Variants in HAVCR1 observed in about 807,000 individuals in gnomAD.
HAVCR1 encodes the protein T cell immunoglobin domain and mucin domain protein 1.
Under a neutral mutation model 32.0 loss-of-function variants are expected in HAVCR1, and 34 were observed. The observed-to-expected ratio is 1.06, with a 90% CI of 0.81 to 1.42. The LOEUF is 1.42. HAVCR1 is among the 40% of genes most tolerant of loss of function. The pLI, the probability that HAVCR1 is intolerant of heterozygous loss-of-function variation, is 0.00. For missense variants in HAVCR1, 420 were observed against 442.3 expected (o/e 0.95, Z 0.45); for synonymous variants, 178 against 170.3 (o/e 1.05, Z -0.35).
chr5:157,055,694 G>A (rs898734236), intron 2 of HAVCR1, among the ~76,000 whole-genome samples, 161 bp from the exon 3 acceptor site: 3 of 151,794 alleles, frequency 2.0e-5, no homozygotes, highest in Non-Finnish European at 2.9e-5. Flanking sequence ...GGCAAAACCC[G>A]ATCTCTACTA....
chr5:157,044,562 A>G (rs74209831), intron 5 of HAVCR1, among the ~76,000 whole-genome samples: 5,376 of 141,150 alleles, frequency 0.038, 513 homozygotes, highest in African/African-American at 0.12. Context: ...AAGGAAGGAG[A>G]GAGAAAGAAA....
At chr5:157,030,929 A>G (rs572486778) in intron 8 of HAVCR1, among the ~76,000 whole-genome samples, 54 of 152,214 alleles carry the variant, frequency 3.5e-4, no homozygotes, top group Admixed American at 5.9e-4. Flanking sequence ...TTAAGTGTCA[A>G]TGAGCTCAAA....
At chr5:157,037,122 T>C (rs1045701664) in intron 7 of HAVCR1, 125 bp downstream of exon 7, 9 of 699,808 alleles carry the variant, frequency 1.3e-5, no homozygotes, top group Non-Finnish European at 2.1e-5. Context: ...CTTTTACAAA[T>C]GAGGATTTGG....
At chr5:157,054,300 G>T (rs1210871826) in intron 3 of HAVCR1, among the ~76,000 whole-genome samples, 2 of 151,038 alleles carry the variant, frequency 1.3e-5, no homozygotes, top group African/African-American at 4.9e-5. Context: ...AGGAGTTCAA[G>T]ACCAGCCTGG....
At chr5:157,050,375 A>G (rs942620718) in intron 4 of HAVCR1, among the ~76,000 whole-genome samples, 1 of 152,126 alleles carries the variant, frequency 6.6e-6, no homozygotes, top group Non-Finnish European at 1.5e-5. Flanking sequence ...ACAACCATAC[A>G]TACAATTGTT....
At chr5:157,044,597 A>AATAAAGAAAGAAAG in intron 5 of HAVCR1, among the ~76,000 whole-genome samples, 1 of 83,424 alleles carries the variant, frequency 1.2e-5, no homozygotes, top group Non-Finnish European at 2.2e-5. Flanking sequence ...GAAAGAAAGA[A>AATAAAGAAAGAAAG]AGAAAGAAAG....
chr5:157,066,893 C>A, the HAVCR1 span, among the ~76,000 whole-genome samples: 3 of 152,214 alleles, frequency 2.0e-5, no homozygotes, highest in African/African-American at 4.8e-5. Flanking sequence ...TCGAGACCAG[C>A]CTGACCAACA....
chr5:157,044,671 A>AGG (rs1755252561), intron 5 of HAVCR1, among the ~76,000 whole-genome samples: 4 of 145,670 alleles, frequency 2.7e-5, no homozygotes, highest in African/African-American at 9.9e-5. Context: ...GAAAGAAAGA[A>AGG]AGAAAGGAGG....
chr5:157,040,070 G>A (rs1471786232), intron 6 of HAVCR1, among the ~76,000 whole-genome samples: 3 of 152,266 alleles, frequency 2.0e-5, no homozygotes, highest in South Asian at 2.1e-4. Context: ...AGGCCAAGGC[G>A]GGTGGATCAC....
At chr5:157,054,544 G>A (rs1755999766) in intron 3 of HAVCR1, among the ~76,000 whole-genome samples, 1 of 152,040 alleles carries the variant, frequency 6.6e-6, no homozygotes, top group African/African-American at 2.4e-5. Context: ...AGTTCCTCAA[G>A]GTGAATAAAT....
chr5:157,039,552 T>C (rs1754741685), intron 6 of HAVCR1, among the ~76,000 whole-genome samples: 1 of 152,112 alleles, frequency 6.6e-6, no homozygotes, highest in African/African-American at 2.4e-5. Flanking sequence ...TTTCATCATA[T>C]TGGTCAGGCT....
intron 5 of HAVCR1, among the ~76,000 whole-genome samples, chr5:157,044,615 G>GAAAGAAAGAAAGAAAGAGAAAGAA (rs760337335): frequency 1.9e-4 from 10 of 52,698 alleles, no homozygotes; most frequent in African/African-American, 5.8e-4. Context: ...AAGAAAGAAA[G>GAAAGAAAGAAAGAAAGAGAAAGAA]AGAAAGAAAG....
chr5:157,056,548 T>A (rs1363861533), intron 2 of HAVCR1, among the ~76,000 whole-genome samples: 1 of 151,344 alleles, frequency 6.6e-6, no homozygotes, highest in Non-Finnish European at 1.5e-5. Context: ...CCCGGCTAAT[T>A]TTTTTGTATT....
intron 2 of HAVCR1, among the ~76,000 whole-genome samples, chr5:157,056,440 T>C (rs974273400): frequency 7.3e-5 from 11 of 150,172 alleles, no homozygotes; most frequent in South Asian, 4.2e-4. Flanking sequence ...AGTGCAGTGG[T>C]GTGATCTCGG....
At chr5:157,052,263 C>T (rs962830686) in intron 4 of HAVCR1, 98 bp downstream of exon 4, 1 of 1,058,574 alleles carries the variant, frequency 9.4e-7, no homozygotes, top group Non-Finnish European at 1.4e-6. Context: ...AGGTAAGACC[C>T]CTCACTCTAG....
chr5:157,044,468 A>AAAGGAAGGAAGG (rs201451883), intron 5 of HAVCR1, among the ~76,000 whole-genome samples: 1 of 62,972 alleles, frequency 1.6e-5, no homozygotes, highest in Non-Finnish European at 2.8e-5. Context: ...AGAAAGAAAG[A>AAAGGAAGGAAGG]AAGGAAGGAA....
intron 5 of HAVCR1, among the ~76,000 whole-genome samples, chr5:157,048,103 C>T (rs1187262387): frequency 6.6e-6 from 1 of 152,154 alleles, no homozygotes; most frequent in Non-Finnish European, 1.5e-5. Flanking sequence ...ATAGCGAGGA[C>T]ACAAACATTC....
upstream of HAVCR1, among the ~76,000 whole-genome samples, chr5:157,059,626 G>A (rs546386800): frequency 5.3e-4 from 81 of 152,238 alleles, no homozygotes; most frequent in African/African-American, 1.9e-3. Flanking sequence ...AGTGAGCCGA[G>A]ATCAAGCCAT....
chr5:157,051,112 C>T (rs1755711034), intron 4 of HAVCR1, among the ~76,000 whole-genome samples: 2 of 152,172 alleles, frequency 1.3e-5, no homozygotes, highest in South Asian at 4.1e-4. Flanking sequence ...ATTTCCCTAC[C>T]TATAAGTCAA....
Sources: gnomAD v4.1 joint callset for allele counts (sites outside exome capture counted in the v4.1 genomes callset) on GRCh38, gnomAD v4.1.1 for gene constraint, MANE v1.5 for transcripts, NCBI Gene and HGNC (gene_info 2026-07-23, HGNC 2026-07-21) for gene names.